The following FILIP1L variants were observed in gnomAD, a reference collection of about 807,000 sequenced individuals.
FILIP1L encodes the protein filamin A-interacting protein 1-like.
A neutral mutation model predicts 96.6 loss-of-function variants in FILIP1L; 55 were observed. The ratio of observed to expected loss-of-function variants is 0.57; its 90% CI spans 0.46 to 0.71. FILIP1L has a LOEUF of 0.71. Ranked by LOEUF, FILIP1L falls within the 30% of genes least tolerant of loss-of-function variation. The pLI is 0.00. For missense variants in FILIP1L, 1,304 were observed against 1,321.2 expected (o/e 0.99, Z 0.20); for synonymous variants, 467 against 473.9 (o/e 0.99, Z 0.19).
intron 1 of FILIP1L, among the ~76,000 whole-genome samples, chr3:100,087,030 A>G (rs2066020885): frequency 6.6e-6 from 1 of 152,216 alleles, no homozygotes. Flanking sequence ...GTGTACCAAC[A>G]GTTTGTTCCT....
intron 5 of FILIP1L, among the ~76,000 whole-genome samples, chr3:99,836,174 C>T (rs961215567): frequency 3.3e-5 from 5 of 152,152 alleles, no homozygotes. Context: ...AGTAGATTAA[C>T]TATCTTACAG....
chr3:99,922,719 A>G (rs770421066), intron 4 of FILIP1L, among the ~76,000 whole-genome samples: 2 of 152,194 alleles, frequency 1.3e-5, no homozygotes, highest in Non-Finnish European at 2.9e-5. Flanking sequence ...GGATGCTTAT[A>G]CTGTCTACAG....
intron 5 of FILIP1L, among the ~76,000 whole-genome samples, chr3:99,840,118 C>G (rs1313051383): frequency 6.7e-6 from 1 of 149,214 alleles, no homozygotes; most frequent in Admixed American, 6.7e-5. Context: ...TTCCCCACAA[C>G]AAAGAGTTAC....
intron 1 of FILIP1L, among the ~76,000 whole-genome samples, chr3:100,039,552 C>A (rs949370982): frequency 6.6e-6 from 1 of 152,032 alleles, no homozygotes; most frequent in Admixed American, 6.6e-5. Context: ...CCAGGAGTAC[C>A]TTGGAAAAGC....
At chr3:100,017,504 G>C (rs1710378404) in intron 1 of FILIP1L, among the ~76,000 whole-genome samples, 1 of 152,206 alleles carries the variant, frequency 6.6e-6, no homozygotes, top group South Asian at 2.1e-4. Flanking sequence ...CCAAATGAGA[G>C]TAAGCACCAT....
At chr3:100,071,090 C>CTTTTTTTTTT (rs61563009) in intron 1 of FILIP1L, among the ~76,000 whole-genome samples, 3 of 70,576 alleles carry the variant, frequency 4.3e-5, no homozygotes, top group African/African-American at 6.1e-5. Context: ...GCTACTCTCT[C>CTTTTTTTTTT]TTTTTTTTTT....
intron 4 of FILIP1L, among the ~76,000 whole-genome samples, chr3:99,920,311 A>T (rs1034735099): frequency 6.6e-6 from 1 of 152,230 alleles, no homozygotes; most frequent in Non-Finnish European, 1.5e-5. Flanking sequence ...AAGAAAAAAA[A>T]ATATGCAAGC....
At chr3:100,108,670 C>G (rs952915667) in intron 1 of FILIP1L, among the ~76,000 whole-genome samples, 13 of 152,122 alleles carry the variant, frequency 8.5e-5, no homozygotes, top group Non-Finnish European at 5.9e-5. Flanking sequence ...ATTCCGAGAT[C>G]AACATTGGAT....
chr3:99,839,068 C>T (rs972360210), intron 5 of FILIP1L, among the ~76,000 whole-genome samples: 1 of 152,096 alleles, frequency 6.6e-6, no homozygotes, highest in Admixed American at 6.6e-5. Context: ...TTGTGGGCAC[C>T]TCTTTGGAGC....
chr3:100,008,736 C>G (rs1240043073), intron 1 of FILIP1L, among the ~76,000 whole-genome samples: 8 of 152,212 alleles, frequency 5.3e-5, no homozygotes, highest in Admixed American at 5.2e-4. Context: ...GCTTCTCTTA[C>G]TGTTATAAAC....
At chr3:100,092,544 G>A (rs1206224332) in intron 1 of FILIP1L, among the ~76,000 whole-genome samples, 1 of 151,242 alleles carries the variant, frequency 6.6e-6, no homozygotes, top group African/African-American at 2.4e-5. Context: ...CCTTGCATGT[G>A]TATATCTTGT....
chr3:99,887,139 C>T (rs1195159631), intron 4 of FILIP1L, among the ~76,000 whole-genome samples: 3 of 151,508 alleles, frequency 2.0e-5, no homozygotes, highest in Non-Finnish European at 4.4e-5. Flanking sequence ...GGCATGGTGG[C>T]GTGCCTGTAA....
chr3:99,872,920 T>C (rs1055717982), intron 4 of FILIP1L, among the ~76,000 whole-genome samples: 9 of 151,782 alleles, frequency 5.9e-5, no homozygotes, highest in Non-Finnish European at 7.4e-5. Context: ...CTCAAGTCTT[T>C]TTTTTTTTTT....
intron 5 of FILIP1L, among the ~76,000 whole-genome samples, chr3:99,841,366 T>C (rs993290674): frequency 1.3e-5 from 2 of 152,214 alleles, no homozygotes; most frequent in African/African-American, 4.8e-5. Context: ...AGAAAAATAA[T>C]GTAGATAACC....
intron 5 of FILIP1L, among the ~76,000 whole-genome samples, chr3:99,841,625 A>G (rs1453485911): frequency 1.3e-5 from 2 of 152,210 alleles, no homozygotes; most frequent in Non-Finnish European, 2.9e-5. Flanking sequence ...GCTAGCCTTT[A>G]AAGAGCTGAA....
intron 1 of FILIP1L, among the ~76,000 whole-genome samples, chr3:100,011,470 A>G (rs374703245): frequency 3.2e-4 from 48 of 152,300 alleles, no homozygotes; most frequent in African/African-American, 1.2e-3. Context: ...TCTTCCTCCA[A>G]AATGGAGTTG....
At chr3:100,019,308 T>C (rs2064761988) in intron 1 of FILIP1L, among the ~76,000 whole-genome samples, 1 of 152,046 alleles carries the variant, frequency 6.6e-6, no homozygotes, top group Non-Finnish European at 1.5e-5. Context: ...TGCAGTAAGC[T>C]ATGATCATGC....
At chr3:99,928,380 G>A (rs548531546) in intron 3 of FILIP1L, among the ~76,000 whole-genome samples, 10 of 152,278 alleles carry the variant, frequency 6.6e-5, no homozygotes, top group African/African-American at 2.4e-4. Flanking sequence ...GGGAAGTAGA[G>A]GAAAGAGAGG....
At chr3:99,981,969 T>A (rs180697766) in intron 1 of FILIP1L, among the ~76,000 whole-genome samples, 129 of 152,052 alleles carry the variant, frequency 8.5e-4, no homozygotes, top group Admixed American at 1.6e-3. Flanking sequence ...CTACAAAAAA[T>A]TAAACAACAA....
Sources: gnomAD v4.1 joint callset for allele counts (sites outside exome capture counted in the v4.1 genomes callset) on GRCh38, gnomAD v4.1.1 for gene constraint, MANE v1.5 for transcripts, NCBI Gene and HGNC (gene_info 2026-07-23, HGNC 2026-07-21) for gene names.